Variants in ITK observed in about 807,000 individuals in gnomAD.
The protein encoded by ITK is IL2 inducible T cell kinase.
A neutral mutation model predicts 87.6 loss-of-function variants in ITK; 45 were observed. That is an observed-to-expected ratio of 0.51 (90% CI 0.40 to 0.66). ITK has a LOEUF of 0.66. Among genes scored for constraint, ITK ranks in the 30% least tolerant of loss-of-function variants. ITK has a pLI of 0.00. For synonymous variants in ITK, 303 were observed against 273.6 expected, an observed-to-expected ratio of 1.11 and a Z score of -1.06; for missense variants, 605 against 766.3, an observed-to-expected ratio of 0.79 and a Z score of 2.48.
intron 9 of ITK, among the ~76,000 whole-genome samples, chr5:157,239,123 A>G (rs550688863): frequency 5.3e-5 from 8 of 152,202 alleles, no homozygotes; most frequent in Admixed American, 3.3e-4. Context: ...GGTATGACGG[A>G]GAAGGGATGA....
intron 2 of ITK, among the ~76,000 whole-genome samples, chr5:157,210,775 A>G (rs1754175735): frequency 7.2e-6 from 1 of 138,910 alleles, no homozygotes; most frequent in African/African-American, 2.7e-5. Context: ...ATTCCCACCT[A>G]TGAGTGAGTT....
chr5:157,228,235 C>A, intron 6 of ITK, 61 bp from the exon 7 acceptor site: 1 of 998,418 alleles, frequency 1.0e-6, no homozygotes. Flanking sequence ...TGGATTAAAC[C>A]TATAAAATGA....
chr5:157,246,800 C>A (rs1359947549), intron 15 of ITK, among the ~76,000 whole-genome samples: 2 of 152,056 alleles, frequency 1.3e-5, no homozygotes, highest in Admixed American at 1.3e-4. Flanking sequence ...AAACTTGGTG[C>A]ATCCAAAGAA....
intron 1 of ITK, chr5:157,199,536 A>G (rs1255242147): frequency 1.3e-5 from 2 of 152,222 alleles, no homozygotes; most frequent in Non-Finnish European, 2.9e-5. Context: ...TGGGTCACAC[A>G]ATTGATTTTC....
At chr5:157,223,954 G>A (rs562116464) in intron 6 of ITK, among the ~76,000 whole-genome samples, 3 of 152,196 alleles carry the variant, frequency 2.0e-5, no homozygotes, top group South Asian at 2.1e-4. Flanking sequence ...TAAAAAATAA[G>A]CCACCCTCCA....
chr5:157,241,575 T>C (rs991355597), intron 10 of ITK, 71 bp from the exon 11 acceptor site: 8 of 1,027,666 alleles, frequency 7.8e-6, no homozygotes, highest in Middle Eastern at 2.0e-4. Context: ...TTATTTTTTT[T>C]AGTGATTTAA....
intron 7 of ITK, among the ~76,000 whole-genome samples, 171 bp downstream of exon 7, chr5:157,228,532 C>T (rs569349074): frequency 4.6e-5 from 7 of 152,138 alleles, no homozygotes; most frequent in Non-Finnish European, 8.8e-5. Flanking sequence ...CTAAAAAAAC[C>T]AGGACTTTCT....
intron 5 of ITK, among the ~76,000 whole-genome samples, chr5:157,218,639 C>T (rs1430496574): frequency 3.3e-5 from 5 of 152,050 alleles, no homozygotes; most frequent in African/African-American, 4.8e-5. Flanking sequence ...ACTTACTATC[C>T]GTTCTATCCA....
At chr5:157,245,653 A>C (rs917523896) in intron 13 of ITK, 73 bp from the exon 14 acceptor site, 13 of 1,164,936 alleles carry the variant, frequency 1.1e-5, no homozygotes, top group Non-Finnish European at 1.7e-5. Context: ...CTGTGATTAT[A>C]GGAGACTCCT....
chr5:157,217,161 T>C (rs538564720), intron 4 of ITK, among the ~76,000 whole-genome samples: 32 of 149,688 alleles, frequency 2.1e-4, no homozygotes, highest in African/African-American at 7.4e-4. Context: ...TAGTGAGAGA[T>C]GCATATGAAG....
At position 157,209,108 on chromosome 5, in the gene ITK, G is replaced by A. The variant is rs574592629; in HGVS notation, c.243+115G>A. 3 of 749,248 alleles carry A rather than the reference G, an allele frequency of 4.0e-6. No individual in the cohort carries two copies. The African/African-American group carries it at 5.2e-5, about 13-fold the overall frequency. 46.4% of individuals were successfully genotyped at this position (749,248 alleles called of 1,614,324 possible). On this transcript the variant is annotated intron_variant, in intron 2 of 16. Transcript: ENST00000422843. ...CCTAGCACTTTGGGAGGTTGAGGCAGGCAGATCACGAGGTCAGGAGTTCAA... is the reference window on the plus strand; with the variant it reads ...CCTAGCACTTTGGGAGGTTGAGGCAAGCAGATCACGAGGTCAGGAGTTCAA...
chr5:157,194,009 A>G (rs1753804584), intron 1 of ITK, among the ~76,000 whole-genome samples: 1 of 152,190 alleles, frequency 6.6e-6, no homozygotes. Context: ...TGAGGAAGCA[A>G]TGGAGCTACG....
intron 1 of ITK, among the ~76,000 whole-genome samples, chr5:157,190,476 A>C (rs542336681): frequency 1.3e-5 from 2 of 152,336 alleles, no homozygotes; most frequent in Non-Finnish European, 2.9e-5. Context: ...TAATGGAGGC[A>C]GGTGTCTTAG....
rs1055752113 is a variant in ITK at position 157,253,185 on chromosome 5, G to A, written c.*507G>A. 7.1e-6 allele frequency: 2 copies of A among 281,562 alleles called. No homozygotes were observed. Among genetic ancestry groups the A allele is most frequent in the African/African-American group, 4.2e-5 (2 of 47,228 alleles). 17.4% of individuals were successfully genotyped at this position (281,562 alleles called of 1,614,324 possible). On this transcript the variant is annotated 3_prime_UTR_variant, in exon 17 of 17. Transcript: ENST00000422843. ...AACTGGTGAGTTAAGTAAGATTAGA[G>A]TGAGTGTGCTCTGTTGCTGTGATGC...
At chr5:157,233,952 T>C (rs1754715901) in intron 8 of ITK, among the ~76,000 whole-genome samples, 1 of 27,166 alleles carries the variant, frequency 3.7e-5, no homozygotes, top group African/African-American at 1.3e-4. Flanking sequence ...TATATATATA[T>C]ATATATATAT....
intron 1 of ITK, among the ~76,000 whole-genome samples, chr5:157,197,778 A>G (rs1753881152): frequency 6.6e-6 from 1 of 152,212 alleles, no homozygotes; most frequent in African/African-American, 2.4e-5. Flanking sequence ...ATGGATGTTT[A>G]ACCATAACTA....
chr5:157,243,883 T>A (rs1236698061), intron 12 of ITK, 89 bp downstream of exon 12: 25 of 1,231,578 alleles, frequency 2.0e-5, no homozygotes, highest in Non-Finnish European at 2.8e-5. Context: ...CAGGGGGTAC[T>A]ATCTCCCTGC....
chr5:157,212,534 A>C (rs532075453), intron 3 of ITK, among the ~76,000 whole-genome samples: 6 of 152,212 alleles, frequency 3.9e-5, no homozygotes, highest in Non-Finnish European at 7.3e-5. Flanking sequence ...GAAGTAATCA[A>C]AATGGGCTGG....
chr5:157,246,076 C>T, intron 15 of ITK, 77 bp downstream of exon 15: 1 of 999,858 alleles, frequency 1.0e-6, no homozygotes. Context: ...ATGCAGACAA[C>T]CCTACCCACA....
Sources: gnomAD v4.1 joint callset for allele counts (sites outside exome capture counted in the v4.1 genomes callset) on GRCh38, gnomAD v4.1.1 for gene constraint, MANE v1.5 for transcripts, NCBI Gene and HGNC (gene_info 2026-07-23, HGNC 2026-07-21) for gene names.